TDRD9: variants seen among roughly 807,000 people sequenced by gnomAD.
The protein encoded by TDRD9 is ATP-dependent RNA helicase TDRD9.
In TDRD9, 124 loss-of-function variants were observed where a neutral mutation model predicts 172.6. That is an observed-to-expected ratio of 0.72 (90% CI 0.62 to 0.83). The LOEUF is 0.83. Ranked by LOEUF, TDRD9 falls within the 40% of genes least tolerant of loss-of-function variation. The pLI, the probability that TDRD9 is intolerant of heterozygous loss-of-function variation, is 0.00. For synonymous variants in TDRD9, 619 were observed against 617.1 expected, an observed-to-expected ratio of 1.00 and a Z score of -0.05; for missense variants, 1,479 against 1,714.1, an observed-to-expected ratio of 0.86 and a Z score of 2.42.
At chr14:103,951,754 CT>C (rs939867300) in intron 1 of TDRD9, among the ~76,000 whole-genome samples, 3 of 151,378 alleles carry the variant, frequency 2.0e-5, no homozygotes, top group Non-Finnish European at 4.4e-5. Context: ...TGAAATATTT[CT>C]TTTTTTTTCT....
At chr14:104,006,194 A>G (rs2034432434) in intron 15 of TDRD9, among the ~76,000 whole-genome samples, 195 bp from the exon 16 acceptor site, 1 of 152,220 alleles carries the variant, frequency 6.6e-6, no homozygotes, top group Non-Finnish European at 1.5e-5. Flanking sequence ...TTTAAAAAAA[A>G]AGTAAAATGT....
At chr14:103,943,640 C>T (rs1182706087) in intron 1 of TDRD9, among the ~76,000 whole-genome samples, 5 of 151,752 alleles carry the variant, frequency 3.3e-5, no homozygotes, top group African/African-American at 9.7e-5. Context: ...TGAGCCACTG[C>T]GCTGGCCTGT....
At position 104,051,962 on chromosome 14, in the gene TDRD9, C is replaced by T. The variant is rs117790310; in HGVS notation, c.4048-19C>T. On this transcript the variant is annotated intron_variant, in intron 35 of 35. Coordinates refer to ENST00000409874, the MANE Select transcript of TDRD9 (RefSeq NM_153046.3). ...GCCCTGTCACAGAGCCTGACTGGTC[C>T]GCTTGTCTACCCCATTAGGTTGATC... 37,037 of 1,556,136 alleles carry T rather than the reference C, an allele frequency of 0.024. 537 individuals carry two copies. The highest frequency in any genetic ancestry group is 0.045 in the South Asian group (3,778 of 84,830).
At chr14:104,045,107 C>T (rs1199804790) in intron 34 of TDRD9, among the ~76,000 whole-genome samples, 1 of 151,508 alleles carries the variant, frequency 6.6e-6, no homozygotes, top group Non-Finnish European at 1.5e-5. Flanking sequence ...CACGCCATTG[C>T]ACTCCAGCCT....
chr14:103,941,142 T>C, intron 1 of TDRD9: 1 of 1,443,234 alleles, frequency 6.9e-7, no homozygotes, highest in Non-Finnish European at 9.3e-7. Context: ...GTTTAGAACA[T>C]TTTTTGTTAT....
At chr14:103,981,496 A>G (rs76622850) in intron 7 of TDRD9, among the ~76,000 whole-genome samples, 6,845 of 152,248 alleles carry the variant, frequency 0.045, 401 homozygotes, top group African/African-American at 0.13. Flanking sequence ...GATTTATCCA[A>G]CGTCTTGTTT....
At chr14:103,985,319 T>C (rs978831953) in intron 7 of TDRD9, among the ~76,000 whole-genome samples, 13 of 152,240 alleles carry the variant, frequency 8.5e-5, no homozygotes, top group Non-Finnish European at 1.0e-4. Context: ...AATTGAATCA[T>C]GGGGGTAGGT....
intron 1 of TDRD9, among the ~76,000 whole-genome samples, chr14:103,952,211 T>TAC (rs2031940084): frequency 3.7e-5 from 3 of 81,242 alleles, no homozygotes; most frequent in Admixed American, 1.4e-4. Flanking sequence ...TATATATATA[T>TAC]ATATATATAT....
At chr14:103,964,953 A>G (rs2032669267) in intron 3 of TDRD9, among the ~76,000 whole-genome samples, 1 of 152,074 alleles carries the variant, frequency 6.6e-6, no homozygotes, top group Non-Finnish European at 1.5e-5. Flanking sequence ...ATTGCTGGTA[A>G]TCCCAGCAAT....
At chr14:103,932,553 A>G (rs971902973) in intron 1 of TDRD9, among the ~76,000 whole-genome samples, 2 of 152,002 alleles carry the variant, frequency 1.3e-5, no homozygotes, top group African/African-American at 4.8e-5. Context: ...ACAGCCGGCT[A>G]ATTTTTTGTA....
chr14:103,954,665 G>T (rs924288456), intron 1 of TDRD9, among the ~76,000 whole-genome samples: 1 of 152,236 alleles, frequency 6.6e-6, no homozygotes, highest in African/African-American at 2.4e-5. Flanking sequence ...ATGTGGCTCT[G>T]TTGCCCAGGC....
chr14:104,046,246 C>T (rs879482739), intron 34 of TDRD9, among the ~76,000 whole-genome samples: 3 of 152,212 alleles, frequency 2.0e-5, no homozygotes, highest in East Asian at 1.9e-4. Flanking sequence ...TGAGCCACCG[C>T]GCCTGGCCTA....
intron 34 of TDRD9, among the ~76,000 whole-genome samples, chr14:104,044,157 C>T (rs976072165): frequency 6.6e-6 from 1 of 152,164 alleles, no homozygotes; most frequent in Non-Finnish European, 1.5e-5. Flanking sequence ...CTGCCAGTCA[C>T]TAGAGCTGAT....
At chr14:103,929,485 A>G (rs1595884518) in intron 1 of TDRD9, among the ~76,000 whole-genome samples, 1 of 151,754 alleles carries the variant, frequency 6.6e-6, no homozygotes, top group South Asian at 2.1e-4. Flanking sequence ...GTTTATCTCC[A>G]TTCACCTACT....
rs1326044084 is a variant in TDRD9 at position 103,940,731 on chromosome 14, G to C, written c.215+12007G>C. On this transcript the variant is annotated intron_variant, in intron 1 of 35. Transcript: ENST00000409874. ...ACCTTGTAACAAAGAAAAACTTGAA[G>C]TCACATCACTTTTTCTTATTCTTAA... 5.9e-6 allele frequency: 6 copies of C among 1,009,896 alleles called. No homozygotes were observed. In the East Asian group the frequency reaches 1.6e-4, roughly 26 times the overall value. 62.6% of individuals were successfully genotyped at this position (1,009,896 alleles called of 1,614,324 possible). A position where few individuals can be genotyped will look rare whatever the true frequency, so the allele number is the denominator to read the frequency against.
rs1056416033 is a variant in TDRD9, at chr14:104,034,065, G to A, written c.3615G>A (p.Ala1205=). 6 of 1,544,122 alleles carry A rather than the reference G, an allele frequency of 3.9e-6. No individual in the cohort carries two copies. Among genetic ancestry groups the A allele is most frequent in the Non-Finnish European group, 5.3e-6 (6 of 1,140,414 alleles). The part of the protein sequence containing the change: ...MLVAASLSIN[A]TGSTMLLRET... The stretch of plus-strand genomic sequence containing the variant: ...TTGCAGCTTCCCTTTCCATCAATGC[G>A]ACTGGTAATTTAAAGATCCTGTTTA... The change falls in exon 31 of 36, where the codon GCG becomes GCA. Residue 1205 remains alanine (A), a synonymous_variant. Coordinates refer to ENST00000409874, the MANE Select transcript of TDRD9 (RefSeq NM_153046.3).
At position 103,992,749 on chromosome 14, in the gene TDRD9, T is replaced by C. The variant is rs111969653; in HGVS notation, c.1180+1525T>C. ...CCATCCTGGCTAACATGGTGAAACC[T>C]CATCTTTACTGAAAATACAAAAAAA... On this transcript the variant is annotated intron_variant, in intron 9 of 35. Transcript: ENST00000409874. 1.8e-3 allele frequency among the ~76,000 whole-genome samples: 274 copies of C among 151,764 alleles called. 2 individuals are homozygous for C. Among genetic ancestry groups the C allele is most frequent in the African/African-American group, 6.4e-3 (266 of 41,386 alleles).
At chr14:103,931,920 C>G (rs187240349) in intron 1 of TDRD9, among the ~76,000 whole-genome samples, 158 of 152,252 alleles carry the variant, frequency 1.0e-3, no homozygotes, top group African/African-American at 3.7e-3. Context: ...ATATGGGCAG[C>G]TAGGAGCAAA....
intron 2 of TDRD9, 74 bp from the exon 3 acceptor site, chr14:103,963,005 A>G (rs1267400800): frequency 1.3e-6 from 1 of 780,418 alleles, no homozygotes; most frequent in African/African-American, 1.8e-5. Context: ...TGCTGTATCT[A>G]TAGATTAGAA....
Sources: gnomAD v4.1 joint callset for allele counts (sites outside exome capture counted in the v4.1 genomes callset) on GRCh38, gnomAD v4.1.1 for gene constraint, MANE v1.5 for transcripts, NCBI Gene and HGNC (gene_info 2026-07-23, HGNC 2026-07-21) for gene names.